Variants in ESRRG observed in about 807,000 individuals in gnomAD.
The protein encoded by ESRRG is estrogen-related receptor gamma.
ESRRG carries 13 observed loss-of-function variants against 44.0 expected under a neutral mutation model. The ratio of observed to expected loss-of-function variants is 0.30; its 90% CI spans 0.19 to 0.47. ESRRG has a LOEUF of 0.47. Among genes scored for constraint, ESRRG ranks in the 20% least tolerant of loss-of-function variants. The probability of loss-of-function intolerance (pLI) is 1.00; values close to 1 mark genes in which losing one functional copy is unlikely to be tolerated. For missense variants in ESRRG, 395 were observed against 580.6 expected, an observed-to-expected ratio of 0.68 and a Z score of 3.29; for synonymous variants, 215 against 214.6, an observed-to-expected ratio of 1.00 and a Z score of -0.02.
At chr1:216,557,903 G>T (rs2057914096) in intron 5 of ESRRG, among the ~76,000 whole-genome samples, 1 of 152,266 alleles carries the variant, frequency 6.6e-6, no homozygotes, top group African/African-American at 2.4e-5. Context: ...ACTATGAAAT[G>T]ATTATTTCAC....
intron 2 of ESRRG, among the ~76,000 whole-genome samples, chr1:216,768,944 C>T (rs968372434): frequency 2.0e-5 from 3 of 152,084 alleles, no homozygotes; most frequent in Non-Finnish European, 4.4e-5. Flanking sequence ...TGCTGCACCC[C>T]TGTATTTTAA....
At chr1:216,760,265 A>AG (rs1478319367) in intron 2 of ESRRG, among the ~76,000 whole-genome samples, 4 of 108,770 alleles carry the variant, frequency 3.7e-5, no homozygotes, top group Non-Finnish European at 7.5e-5. Context: ...ACCAATAAAA[A>AG]AATCTCAAAT....
intron 2 of ESRRG, among the ~76,000 whole-genome samples, chr1:216,651,379 G>C (rs1239462025): frequency 6.6e-6 from 1 of 152,144 alleles, no homozygotes; most frequent in African/African-American, 2.4e-5. Context: ...GTCTTCCAGA[G>C]TCTTATGATC....
chr1:217,021,460 C>G (rs2080314108), intron 1 of ESRRG, among the ~76,000 whole-genome samples: 2 of 152,180 alleles, frequency 1.3e-5, no homozygotes, highest in African/African-American at 2.4e-5. Flanking sequence ...ATGCCCTGCA[C>G]TAAGAAGCAG....
At chr1:216,779,706 A>C (rs966862206) in intron 2 of ESRRG, among the ~76,000 whole-genome samples, 1 of 148,546 alleles carries the variant, frequency 6.7e-6, no homozygotes, top group Non-Finnish European at 1.5e-5. Context: ...CTTGCTAACA[A>C]TTTAGTCACA....
chr1:216,549,813 T>C (rs1177222151), intron 5 of ESRRG, among the ~76,000 whole-genome samples: 2 of 152,174 alleles, frequency 1.3e-5, no homozygotes, highest in African/African-American at 4.8e-5. Flanking sequence ...TACATGAGGA[T>C]GGCATAAATC....
At chr1:216,768,912 C>T (rs1469377971) in intron 2 of ESRRG, among the ~76,000 whole-genome samples, 1 of 152,068 alleles carries the variant, frequency 6.6e-6, no homozygotes, top group East Asian at 1.9e-4. Flanking sequence ...AAATCCCCCC[C>T]ATATATATGG....
chr1:217,120,932 G>A (rs1221151195), intron 1 of ESRRG, among the ~76,000 whole-genome samples: 1 of 152,104 alleles, frequency 6.6e-6, no homozygotes, highest in Non-Finnish European at 1.5e-5. Flanking sequence ...AGCTCCACAT[G>A]GGCAAGGACC....
intron 1 of ESRRG, among the ~76,000 whole-genome samples, chr1:217,089,313 A>G (rs1196583364): frequency 6.6e-6 from 1 of 151,368 alleles, no homozygotes; most frequent in Non-Finnish European, 1.5e-5. Context: ...AGGCAAGTCT[A>G]CAAGAGGTGG....
chr1:216,656,527 G>T (rs932083712), intron 2 of ESRRG, among the ~76,000 whole-genome samples: 1 of 152,188 alleles, frequency 6.6e-6, no homozygotes, highest in Non-Finnish European at 1.5e-5. Context: ...CTTGCAGCTA[G>T]CTGGCGGATA....
rs192540145 is a variant in ESRRG at position 217,082,596 on chromosome 1, T to C, written c.-106+6911A>G. ...TAGTTTGCCTCTTTTTCCTTTTGGCTTCACATCTCACAGCTCAGTTAAGTA... is the reference window on the plus strand; with the variant it reads ...TAGTTTGCCTCTTTTTCCTTTTGGCCTCACATCTCACAGCTCAGTTAAGTA... On this transcript the variant is annotated intron_variant, in intron 1 of 7. Coordinates refer to the ESRRG transcript ENST00000359162. Among the ~76,000 whole-genome samples, 39 of 152,162 alleles carry C rather than the reference T, an allele frequency of 2.6e-4. 1 individual carries two copies. The highest frequency in any genetic ancestry group is 2.3e-3 in the Admixed American group (35 of 15,290).
rs149959639 is a variant in ESRRG, at chr1:216,555,002, T to A, written c.862+9217A>T. Among the ~76,000 whole-genome samples the A allele has an allele frequency of 7.2e-5, 11 of 152,250 alleles. No individual in the cohort carries two copies. In the East Asian group the frequency reaches 1.9e-3, roughly 27 times the overall value. Reference sequence around the variant, plus strand: ...CTCACACCTTTAATTCCTCCCCAAGTGTCCATATTGAGTTCAGTTCAACTC... The same window carrying A: ...CTCACACCTTTAATTCCTCCCCAAGAGTCCATATTGAGTTCAGTTCAACTC... On this transcript the variant is annotated intron_variant, in intron 5 of 6. Coordinates refer to ENST00000408911, the MANE Select transcript of ESRRG (RefSeq NM_001438.4).
At chr1:216,764,208 C>T (rs532114749) in intron 2 of ESRRG, among the ~76,000 whole-genome samples, 2 of 151,704 alleles carry the variant, frequency 1.3e-5, no homozygotes, top group African/African-American at 4.8e-5. Flanking sequence ...CCCACTGCCC[C>T]CCTTTTTTAA....
intron 1 of ESRRG, among the ~76,000 whole-genome samples, chr1:216,946,611 T>C (rs1296277098): frequency 1.3e-5 from 2 of 152,216 alleles, no homozygotes; most frequent in African/African-American, 4.8e-5. Context: ...CTACTAATAA[T>C]GTCGATTAAT....
chr1:216,749,787 AT>A (rs762343919), intron 2 of ESRRG, among the ~76,000 whole-genome samples: 10 of 152,286 alleles, frequency 6.6e-5, no homozygotes, highest in Admixed American at 1.3e-4. Context: ...TAATATCAGC[AT>A]TTTTCTACCT....
At position 216,919,211 on chromosome 1, in the gene ESRRG, T is replaced by C. The variant is rs529085176; in HGVS notation, c.-14+20371A>G. Among the ~76,000 whole-genome samples the C allele has an allele frequency of 3.9e-5, 6 of 152,260 alleles. 1 individual carries two copies. The highest frequency in any genetic ancestry group is 4.2e-4 in the South Asian group (2 of 4,816). ...ACAAACGGGAGGCCTCACGTGCTCA[T>C]TGGCTCTGGTTTCATGCTCTTTCTC... On this transcript the variant is annotated intron_variant, in intron 2 of 7. Transcript: ENST00000359162.
chr1:216,529,288 C>G (rs976569830), intron 5 of ESRRG, among the ~76,000 whole-genome samples: 2 of 152,090 alleles, frequency 1.3e-5, no homozygotes, highest in Non-Finnish European at 2.9e-5. Context: ...ACCAGGATCA[C>G]ATTATTTTGA....
At chr1:217,103,132 A>G (rs2092541677) in intron 1 of ESRRG, among the ~76,000 whole-genome samples, 1 of 147,038 alleles carries the variant, frequency 6.8e-6, no homozygotes, top group Admixed American at 6.6e-5. Context: ...CTTGGTTTAT[A>G]GAAAGCACAG....
chr1:216,774,522 G>A (rs551362935), intron 2 of ESRRG, among the ~76,000 whole-genome samples: 8 of 151,988 alleles, frequency 5.3e-5, no homozygotes, highest in African/African-American at 9.7e-5. Context: ...TTTCTTGCTC[G>A]ACCCTCCAAA....
Sources: gnomAD v4.1 joint callset for allele counts (sites outside exome capture counted in the v4.1 genomes callset) on GRCh38, gnomAD v4.1.1 for gene constraint, MANE v1.5 for transcripts, NCBI Gene and HGNC (gene_info 2026-07-23, HGNC 2026-07-21) for gene names.